ZBTB25: variants seen among roughly 807,000 people sequenced by gnomAD.
ZBTB25 encodes zinc finger and BTB domain-containing protein 25.
In ZBTB25, 20 loss-of-function variants were observed where a neutral mutation model predicts 34.2. The observed-to-expected ratio is 0.58, with a 90% CI of 0.41 to 0.85. The LOEUF is 0.85. Among genes scored for constraint, ZBTB25 ranks in the 40% least tolerant of loss-of-function variants. The probability of loss-of-function intolerance (pLI) is 0.00; values close to 1 mark genes in which losing one functional copy is unlikely to be tolerated. For missense variants in ZBTB25, 437 were observed against 521.8 expected (o/e 0.84, Z 1.58); for synonymous variants, 175 against 186.4 (o/e 0.94, Z 0.50).
At position 64,486,343 on chromosome 14, in the gene ZBTB25, A is replaced by G. The variant is rs1596609682; in HGVS notation, c.*580T>C. ...ATACTCAATGTTAAAAAGTAAAGAG[A>G]AGCCATGTAGGTAAGATGTTGTGGA... On this transcript the variant is annotated 3_prime_UTR_variant, in exon 3 of 3. Transcript: ENST00000608382. 1.0e-6 allele frequency: 1 copy of G among 985,448 alleles called. No homozygotes were observed. Among genetic ancestry groups the G allele is most frequent in the East Asian group, 1.1e-4 (1 of 8,824 alleles). The allele number at this position is 985,448 out of a possible 1,614,324, so 61.0% of individuals were successfully genotyped here.
chr14:64,474,535 G>T (rs761621669), downstream of ZBTB25: 18 of 166,520 alleles, frequency 1.1e-4, no homozygotes, highest in Admixed American at 6.5e-4. Context: ...AGAACTGTGG[G>T]CAAACTATGT....
intron 2 of ZBTB25, chr14:64,470,582 T>G (rs529370391): frequency 3.2e-5 from 4 of 126,556 alleles, no homozygotes; most frequent in African/African-American, 1.4e-4. Context: ...AGAGCGAGAC[T>G]CCTTCTCAAA....
downstream of ZBTB25, among the ~76,000 whole-genome samples, chr14:64,475,970 C>T (rs1334200168): frequency 6.6e-6 from 1 of 152,220 alleles, no homozygotes; most frequent in East Asian, 1.9e-4. Flanking sequence ...GGATTATACA[C>T]TTTTCACAGC....
At position 64,487,769 on chromosome 14, in the gene ZBTB25, G is replaced by A; in HGVS notation, c.462C>T (p.Asn154=). 6.2e-7 allele frequency: 1 copy of A among 1,614,192 alleles called. No individual in the cohort carries two copies. Among genetic ancestry groups the A allele is most frequent in the Non-Finnish European group, 8.5e-7 (1 of 1,180,040 alleles). ...GLEVKEAPSS[N]SGNRAAVQGD... ...CCTGGACAGCAGCTCTGTTTCCACT[G>A]TTACTGGAAGGAGCTTCTTTGACCT... Residue 154 remains asparagine, a synonymous_variant, in exon 3 of 3, where the codon AAC becomes AAT. Coordinates refer to ENST00000608382, the MANE Select transcript of ZBTB25 (RefSeq NM_006977.5).
intron 1 of ZBTB25, among the ~76,000 whole-genome samples, chr14:64,500,767 T>C (rs778813872): frequency 6.6e-6 from 1 of 150,536 alleles, no homozygotes; most frequent in African/African-American, 2.5e-5. Context: ...AAAGAAAACA[T>C]GGACCAGGCA....
In ZBTB25 at chr14:64,487,168, C is replaced by T. The variant is rs749577121; in HGVS notation, c.1063G>A (p.Gly355Ser). 6.2e-7 allele frequency: 1 copy of T among 1,613,952 alleles called. No homozygotes were observed. Among genetic ancestry groups the T allele is most frequent in the East Asian group, 2.2e-5 (1 of 44,884 alleles). The change falls in exon 3 of 3, where the codon GGT becomes AGT. Residue 355 changes from glycine (G) to serine (S), a missense_variant. Transcript: ENST00000608382. ...RKRKMSCTIC[G>S]HKFPRKSQLL... ...TGGCTCTTTCGAGGGAATTTATGAC[C>T]ACAGATGGTACAGCTCATTTTTCTT... is the stretch of plus-strand genomic sequence containing the variant.
upstream of ZBTB25, chr14:64,504,862 C>T (rs2079615594): frequency 2.5e-6 from 1 of 397,222 alleles, no homozygotes. Flanking sequence ...CAGCTCGCGG[C>T]CCCTTCGCCT....
intron 1 of ZBTB25, among the ~76,000 whole-genome samples, chr14:64,492,912 A>G (rs1295720083): frequency 6.7e-6 from 1 of 149,242 alleles, no homozygotes; most frequent in East Asian, 1.9e-4. Flanking sequence ...ACATCAAACC[A>G]TAATTATAAT....
chr14:64,459,169 C>T (rs1281753825), intron 2 of ZBTB25, among the ~76,000 whole-genome samples: 6 of 152,164 alleles, frequency 3.9e-5, no homozygotes, highest in East Asian at 1.9e-4. Context: ...AAGGGTTTGC[C>T]ACCCCACATC....
Position 64,487,783 on chromosome 14 carries a change from C to G in ZBTB25, c.448G>C (p.Ala150Pro). 1.2e-6 allele frequency: 2 copies of G among 1,614,178 alleles called. No homozygotes were observed. Among genetic ancestry groups the G allele is most frequent in the Non-Finnish European group, 1.7e-6 (2 of 1,180,030 alleles). Residue 150 changes from alanine to proline, a missense_variant, in exon 3 of 3, where the codon GCT becomes CCT. Physicochemically the swap from Ala to Pro is conservative, Grantham distance 27 (BLOSUM62 -1). Transcript: ENST00000608382. ...VVKQGLEVKE[A>P]PSSNSGNRAA... Reference sequence around the variant, plus strand: ...CTGTTTCCACTGTTACTGGAAGGAGCTTCTTTGACCTCCAGTCCTTGTTTG... The same window carrying G: ...CTGTTTCCACTGTTACTGGAAGGAGGTTCTTTGACCTCCAGTCCTTGTTTG...
intron 2 of ZBTB25, among the ~76,000 whole-genome samples, chr14:64,454,528 C>G (rs920400108): frequency 6.6e-6 from 1 of 151,396 alleles, no homozygotes; most frequent in African/African-American, 2.4e-5. Context: ...GAGTACCTAA[C>G]TCCCTCACCC....
intron 1 of ZBTB25, among the ~76,000 whole-genome samples, chr14:64,496,559 AT>A (rs1170079811): frequency 6.6e-6 from 1 of 152,232 alleles, no homozygotes; most frequent in Non-Finnish European, 1.5e-5. Context: ...TATTTACTAT[AT>A]TCAAAATTAA....
rs76493017 is a variant in ZBTB25 at position 64,469,568 on chromosome 14, T to C, written c.174-19930A>G. ...AACTTCAGAACAATATGAAACACTCTTAATTGAAACAGCCTCTTCTCTAGT... is the reference window on the plus strand; with the variant it reads ...AACTTCAGAACAATATGAAACACTCCTAATTGAAACAGCCTCTTCTCTAGT... On this transcript the variant is annotated intron_variant, in intron 2 of 2. Coordinates refer to the ZBTB25 transcript ENST00000555220. The C allele has an allele frequency of 2.2e-3, 3,510 of 1,613,878 alleles. 79 individuals are homozygous for C. The African/African-American group carries it at 0.042, about 19-fold the overall frequency.
At chr14:64,498,131 G>A (rs1000980578) in intron 1 of ZBTB25, among the ~76,000 whole-genome samples, 2 of 152,146 alleles carry the variant, frequency 1.3e-5, no homozygotes, top group Non-Finnish European at 1.5e-5. Context: ...GTAGAGGTGT[G>A]ACATTTAATT....
chr14:64,450,081 C>T (rs991483203), intron 2 of ZBTB25, among the ~76,000 whole-genome samples: 6 of 152,158 alleles, frequency 3.9e-5, no homozygotes, highest in Admixed American at 1.3e-4. Context: ...TGAGCCACTG[C>T]GTCCGCCCAG....
At chr14:64,503,871 G>GCGTGCGTA (rs1318827149), upstream of ZBTB25, 1 of 152,502 alleles carries the variant, frequency 6.6e-6, no homozygotes, top group African/African-American at 2.4e-5. Flanking sequence ...GTGCGTGCGT[G>GCGTGCGTA]CGTGCGTACG....
At position 64,486,049 on chromosome 14, in the gene ZBTB25, C is replaced by T; in HGVS notation, c.*874G>A. On this transcript the variant is annotated 3_prime_UTR_variant, in exon 3 of 3. Coordinates refer to ENST00000608382, the MANE Select transcript of ZBTB25 (RefSeq NM_006977.5). ...ATGAGATATACCACATCTGTAATCCCAGCACTTTGGGAGGCCAAGGCGGGC... is the reference window on the plus strand; with the variant it reads ...ATGAGATATACCACATCTGTAATCCTAGCACTTTGGGAGGCCAAGGCGGGC... 1 of 983,264 alleles carries T rather than the reference C, an allele frequency of 1.0e-6. No individual in the cohort carries two copies. The allele number at this position is 983,264 out of a possible 1,614,324, so 60.9% of individuals were successfully genotyped here. A position where few individuals can be genotyped will look rare whatever the true frequency, so the allele number is the denominator to read the frequency against.
chr14:64,458,422 T>C (rs2078509531), intron 2 of ZBTB25: 1 of 781,794 alleles, frequency 1.3e-6, no homozygotes, highest in South Asian at 1.4e-5. Context: ...AAAACATTTC[T>C]TTTCAGACTT....
chr14:64,496,538 A>G (rs1237247336), intron 1 of ZBTB25, among the ~76,000 whole-genome samples: 2 of 152,202 alleles, frequency 1.3e-5, no homozygotes, highest in Non-Finnish European at 2.9e-5. Flanking sequence ...TATATAGGTT[A>G]TATTTATCAA....
Sources: allele counts gnomAD v4.1 joint callset (sites outside exome capture counted in the v4.1 genomes callset), GRCh38; gene constraint gnomAD v4.1.1; transcripts MANE v1.5; gene names NCBI Gene and HGNC (gene_info 2026-07-23, HGNC 2026-07-21).